The following CPEB3 variants were observed in gnomAD, a reference collection of about 807,000 sequenced individuals.
CPEB3 encodes the protein cytoplasmic polyadenylation element binding protein 3.
Under a neutral mutation model 67.2 loss-of-function variants are expected in CPEB3, and 20 were observed. That is an observed-to-expected ratio of 0.30 (90% confidence interval 0.21 to 0.43). The LOEUF (loss-of-function observed/expected upper bound fraction) is 0.43, where lower values mean the gene tolerates loss of function less well. Among genes scored for constraint, CPEB3 ranks in the 20% least tolerant of loss-of-function variants. The probability of loss-of-function intolerance (pLI) is 1.00; values close to 1 mark genes in which losing one functional copy is unlikely to be tolerated. For synonymous variants in CPEB3, 376 were observed against 393.1 expected, an observed-to-expected ratio of 0.96 and a Z score of 0.51; for missense variants, 746 against 968.6, an observed-to-expected ratio of 0.77 and a Z score of 3.05.
intron 2 of CPEB3, among the ~76,000 whole-genome samples, chr10:92,222,153 G>A (rs1044341961): frequency 9.3e-5 from 14 of 151,244 alleles, no homozygotes; most frequent in South Asian, 2.1e-4. Context: ...CAGATGAATT[G>A]CAAGCTTACC....
At chr10:92,092,158 A>AT (rs1843646228) in intron 7 of CPEB3, among the ~76,000 whole-genome samples, 1 of 152,218 alleles carries the variant, frequency 6.6e-6, no homozygotes, top group Admixed American at 6.5e-5. Flanking sequence ...CACTCTAGAC[A>AT]TATGACATAT....
chr10:92,288,085 T>C (rs1035321425), intron 1 of CPEB3, among the ~76,000 whole-genome samples: 18 of 152,206 alleles, frequency 1.2e-4, no homozygotes, highest in Non-Finnish European at 2.2e-4. Flanking sequence ...CCTAATAATA[T>C]TCTATTGTAT....
At chr10:92,265,748 C>CAA (rs71484286) in intron 1 of CPEB3, among the ~76,000 whole-genome samples, 2 of 108,284 alleles carry the variant, frequency 1.8e-5, no homozygotes, top group Non-Finnish European at 3.8e-5. Flanking sequence ...AACTCCATCT[C>CAA]AAAAAAAAAA....
intron 4 of CPEB3, among the ~76,000 whole-genome samples, chr10:92,151,863 C>T (rs773199420): frequency 6.6e-6 from 1 of 152,174 alleles, no homozygotes; most frequent in African/African-American, 2.4e-5. Flanking sequence ...AATTTGTTCA[C>T]TTCTCTCCAA....
At chr10:92,211,057 A>G (rs1182614667) in intron 2 of CPEB3, among the ~76,000 whole-genome samples, 2 of 152,232 alleles carry the variant, frequency 1.3e-5, no homozygotes, top group Admixed American at 6.5e-5. Flanking sequence ...CTCAAAAAAT[A>G]AATCAATAAA....
chr10:92,118,851 C>T (rs1033194792), intron 6 of CPEB3: 5 of 786,846 alleles, frequency 6.4e-6, no homozygotes, highest in African/African-American at 3.4e-5. Context: ...CTTCCCATGG[C>T]AATGGCCATC....
chr10:92,212,974 T>C (rs918752036), intron 2 of CPEB3, among the ~76,000 whole-genome samples: 1 of 152,160 alleles, frequency 6.6e-6, no homozygotes, highest in African/African-American at 2.4e-5. Flanking sequence ...CACTAGAAAA[T>C]TTAAAATGAT....
intron 1 of CPEB3, among the ~76,000 whole-genome samples, chr10:92,274,248 G>T (rs913095839): frequency 3.9e-5 from 6 of 152,176 alleles, no homozygotes; most frequent in Non-Finnish European, 7.4e-5. Context: ...TCAGTAAGTA[G>T]ATGCCAAACA....
chr10:92,185,332 C>G (rs1848637713), intron 3 of CPEB3, among the ~76,000 whole-genome samples: 1 of 152,184 alleles, frequency 6.6e-6, no homozygotes, highest in Non-Finnish European at 1.5e-5. Flanking sequence ...CTGTGTCCCA[C>G]TTTCCCCACT....
At chr10:92,082,264 C>CTTTCTTTGTTTG (rs1843183998) in intron 8 of CPEB3, among the ~76,000 whole-genome samples, 1 of 150,754 alleles carries the variant, frequency 6.6e-6, no homozygotes, top group African/African-American at 2.5e-5. Flanking sequence ...CTAAATATGC[C>CTTTCTTTGTTTG]TTTGTTTGTT....
chr10:92,095,582 T>G (rs1843820319), intron 7 of CPEB3, among the ~76,000 whole-genome samples: 1 of 122,512 alleles, frequency 8.2e-6, no homozygotes, highest in Non-Finnish European at 1.6e-5. Flanking sequence ...TGGTCCTGAT[T>G]TATATATATA....
chr10:92,131,870 G>C (rs1845857537), intron 6 of CPEB3, among the ~76,000 whole-genome samples: 1 of 152,158 alleles, frequency 6.6e-6, no homozygotes, highest in African/African-American at 2.4e-5. Context: ...AAAACAGGTA[G>C]TTTGTTGACC....
chr10:92,206,015 A>G (rs955049189), intron 2 of CPEB3, among the ~76,000 whole-genome samples: 1 of 152,066 alleles, frequency 6.6e-6, no homozygotes, highest in Non-Finnish European at 1.5e-5. Context: ...TAAAGCCAGT[A>G]CCATTCTAAT....
In CPEB3 at chr10:92,239,422, G is replaced by A. The variant is rs943462134; in HGVS notation, c.929C>T (p.Ala310Val). ...VIAPPKFPRAAPLTSKSWMED... is the reference protein window; with the variant it reads ...VIAPPKFPRAVPLTSKSWMED... ...CATCCAGGACTTGGAAGTGAGAGGG[G>A]CCGCGCGAGGGAACTTGGGCGGCGC... Residue 310 changes from alanine (A) to valine (V), a missense_variant, in exon 2 of 10, where the codon GCC (alanine) becomes GTC (valine). By Grantham distance (64) the Ala-to-Val change is moderately conservative. Transcript: ENST00000265997. This position sits in a 1 kb window ranked among gnomAD's most constrained non-coding sequence, Gnocchi z 6.0. 2 of 1,603,230 alleles carry A rather than the reference G, an allele frequency of 1.2e-6. No individual in the cohort carries two copies. Among genetic ancestry groups the A allele is most frequent in the Non-Finnish European group, 1.7e-6 (2 of 1,174,698 alleles).
chr10:92,209,252 C>T (rs1299414563), intron 2 of CPEB3, among the ~76,000 whole-genome samples: 5 of 152,238 alleles, frequency 3.3e-5, no homozygotes, highest in Non-Finnish European at 5.9e-5. Flanking sequence ...AGGCCAGGCA[C>T]AATGGCTCAC....
chr10:92,149,386 TGA>T (rs1220539878), intron 4 of CPEB3, among the ~76,000 whole-genome samples: 2 of 152,152 alleles, frequency 1.3e-5, no homozygotes, highest in Admixed American at 1.3e-4. Context: ...GTGGATGAGG[TGA>T]GAGTCTGAAG....
At chr10:92,200,710 T>TA (rs1159537293) in intron 2 of CPEB3, among the ~76,000 whole-genome samples, 2,241 of 148,800 alleles carry the variant, frequency 0.015, 55 homozygotes, top group African/African-American at 0.051. Flanking sequence ...CTGGAGAAGT[T>TA]AAAAAAAAAA....
At chr10:92,256,661 A>G (rs1273044521) in intron 1 of CPEB3, among the ~76,000 whole-genome samples, 1 of 152,178 alleles carries the variant, frequency 6.6e-6, no homozygotes, top group Non-Finnish European at 1.5e-5. Context: ...CTGGGATTAC[A>G]GGCATGAGCC....
At chr10:92,220,411 A>C (rs1423118678) in intron 2 of CPEB3, among the ~76,000 whole-genome samples, 1 of 152,144 alleles carries the variant, frequency 6.6e-6, no homozygotes, top group East Asian at 1.9e-4. Context: ...CATAAGAGCC[A>C]ACGATTTTTA....
Sources: gnomAD v4.1 joint callset for allele counts (sites outside exome capture counted in the v4.1 genomes callset) on GRCh38, gnomAD v4.1.1 for gene constraint, Gnocchi (gnomAD v3.1) non-coding constraint, MANE v1.5 for transcripts, NCBI Gene and HGNC (gene_info 2026-07-23, HGNC 2026-07-21) for gene names.